Variants in TUSC3 observed in about 807,000 individuals in gnomAD.
TUSC3 encodes the protein tumor suppressor candidate 3.
TUSC3 carries 45 observed loss-of-function variants against 44.8 expected under a neutral mutation model. The observed-to-expected ratio is 1.00, with a 90% CI of 0.79 to 1.29. TUSC3 has a LOEUF of 1.29. TUSC3 is among the 50% of genes most tolerant of loss of function. The pLI, the probability that TUSC3 is intolerant of heterozygous loss-of-function variation, is 0.00. For missense variants in TUSC3, 519 were observed against 437.9 expected (o/e 1.19, Z -1.65); for synonymous variants, 212 against 152.9 (o/e 1.39, Z -2.85).
intron 6 of TUSC3, among the ~76,000 whole-genome samples, chr8:15,688,497 G>C (rs1336369462): frequency 1.4e-5 from 2 of 141,164 alleles, no homozygotes; most frequent in African/African-American, 5.4e-5. Flanking sequence ...TAGTTAAATT[G>C]TGTGTCACAG....
chr8:15,629,149 A>C (rs1295981581), intron 2 of TUSC3, among the ~76,000 whole-genome samples: 1 of 152,230 alleles, frequency 6.6e-6, no homozygotes, highest in African/African-American at 2.4e-5. Context: ...AGACTGTGGT[A>C]ATATCTAGAT....
chr8:15,715,191 C>G (rs1368869678), intron 6 of TUSC3, among the ~76,000 whole-genome samples: 1 of 152,010 alleles, frequency 6.6e-6, no homozygotes, highest in East Asian at 1.9e-4. Flanking sequence ...TAGTACCAAA[C>G]TCTATATATA....
intron 6 of TUSC3, among the ~76,000 whole-genome samples, chr8:15,697,809 G>C (rs1366720124): frequency 2.0e-5 from 3 of 152,106 alleles, no homozygotes; most frequent in Non-Finnish European, 2.9e-5. Flanking sequence ...GATTTGTTTT[G>C]ATTTACGTAG....
chr8:15,471,199 A>T (rs980350511), intron 1 of TUSC3, among the ~76,000 whole-genome samples: 6 of 152,086 alleles, frequency 3.9e-5, no homozygotes, highest in Non-Finnish European at 8.8e-5. Context: ...TCATCGTCTT[A>T]CTTCCTTTGA....
At chr8:15,721,326 C>G (rs1810297399) in intron 6 of TUSC3, among the ~76,000 whole-genome samples, 1 of 151,988 alleles carries the variant, frequency 6.6e-6, no homozygotes, top group Admixed American at 6.6e-5. Flanking sequence ...TAACTTCATC[C>G]TTAATGCAGA....
At chr8:15,640,863 A>G (rs1806335516) in intron 2 of TUSC3, among the ~76,000 whole-genome samples, 1 of 152,174 alleles carries the variant, frequency 6.6e-6, no homozygotes, top group Non-Finnish European at 1.5e-5. Context: ...GAGATTTATG[A>G]GAGGATCCTG....
the TUSC3 span, among the ~76,000 whole-genome samples, chr8:15,805,100 A>G: frequency 6.6e-6 from 1 of 152,082 alleles, no homozygotes; most frequent in East Asian, 1.9e-4. Flanking sequence ...GCAACTGTAA[A>G]TGAGAACGTG....
intron 2 of TUSC3, among the ~76,000 whole-genome samples, chr8:15,509,187 G>A (rs1414690600): frequency 1.3e-5 from 2 of 152,208 alleles, no homozygotes; most frequent in African/African-American, 4.8e-5. Context: ...CAACAACAGA[G>A]TACAGAAGAG....
the TUSC3 span, among the ~76,000 whole-genome samples, chr8:15,812,150 A>C: frequency 6.6e-6 from 1 of 152,334 alleles, no homozygotes; most frequent in South Asian, 2.1e-4. Context: ...ATTAAAGTGC[A>C]TCTTAAGTTG....
chr8:15,430,145 G>A (rs1799854012), intron 1 of TUSC3, among the ~76,000 whole-genome samples: 1 of 149,096 alleles, frequency 6.7e-6, no homozygotes, highest in African/African-American at 2.5e-5. Flanking sequence ...GCATCATCCT[G>A]GTACCAAAGC....
At chr8:15,452,968 T>G (rs575515658) in intron 1 of TUSC3, among the ~76,000 whole-genome samples, 1 of 152,258 alleles carries the variant, frequency 6.6e-6, no homozygotes, top group South Asian at 2.1e-4. Flanking sequence ...CCAGACCAGA[T>G]AGCGACCACT....
At chr8:15,768,291 T>C (rs1812382382), downstream of TUSC3, among the ~76,000 whole-genome samples, 1 of 152,246 alleles carries the variant, frequency 6.6e-6, no homozygotes, top group South Asian at 2.1e-4. Flanking sequence ...CACTGCTACA[T>C]AAACTGCAAT....
chr8:15,789,078 C>A, the TUSC3 span, among the ~76,000 whole-genome samples: 3 of 152,134 alleles, frequency 2.0e-5, no homozygotes, highest in African/African-American at 7.2e-5. Context: ...GAATCCGTGT[C>A]GTCATTCAAG....
chr8:15,527,417 A>C (rs1341852270), intron 2 of TUSC3, among the ~76,000 whole-genome samples: 1 of 152,070 alleles, frequency 6.6e-6, no homozygotes, highest in East Asian at 1.9e-4. Flanking sequence ...GGGTTTTGCT[A>C]TGCTGTCCAG....
At chr8:15,449,958 A>T (rs987594839) in intron 1 of TUSC3, among the ~76,000 whole-genome samples, 1 of 152,096 alleles carries the variant, frequency 6.6e-6, no homozygotes, top group Non-Finnish European at 1.5e-5. Context: ...CCTAGGAGCG[A>T]TAGGCTAGGC....
At chr8:15,497,317 A>T (rs1181366447) in intron 2 of TUSC3, among the ~76,000 whole-genome samples, 1 of 152,162 alleles carries the variant, frequency 6.6e-6, no homozygotes, top group African/African-American at 2.4e-5. Flanking sequence ...GCAGTGGGAC[A>T]CAATAGAAGA....
intron 2 of TUSC3, among the ~76,000 whole-genome samples, chr8:15,491,691 C>G (rs1037279350): frequency 9.1e-4 from 138 of 152,154 alleles, no homozygotes; most frequent in African/African-American, 3.2e-3. Flanking sequence ...GCTGGAGAAA[C>G]TAAGGCTAAG....
intron 1 of TUSC3, among the ~76,000 whole-genome samples, chr8:15,617,950 C>A (rs1258390385): frequency 6.6e-6 from 1 of 152,072 alleles, no homozygotes; most frequent in African/African-American, 2.4e-5. Context: ...TCCTAGGGTA[C>A]AAAGCTGTAC....
chr8:15,482,237 A>T (rs1800672552), intron 1 of TUSC3, among the ~76,000 whole-genome samples: 1 of 152,164 alleles, frequency 6.6e-6, no homozygotes, highest in African/African-American at 2.4e-5. Flanking sequence ...CCACAATTCC[A>T]GTTAAACTTC....
Sources: allele counts gnomAD v4.1 joint callset (sites outside exome capture counted in the v4.1 genomes callset), GRCh38; gene constraint gnomAD v4.1.1; transcripts MANE v1.5; gene names NCBI Gene and HGNC (gene_info 2026-07-23, HGNC 2026-07-21).